The following FTO variants were observed in gnomAD, a reference collection of about 807,000 sequenced individuals.
FTO encodes the protein alpha-ketoglutarate-dependent dioxygenase FTO.
FTO carries 47 observed loss-of-function variants against 63.9 expected under a neutral mutation model. The observed-to-expected ratio is 0.74, with a 90% CI of 0.58 to 0.94. The LOEUF (loss-of-function observed/expected upper bound fraction) is 0.94, where lower values mean the gene tolerates loss of function less well. Among genes scored for constraint, FTO ranks in the 40% least tolerant of loss-of-function variants. The pLI is 0.00. For synonymous variants in FTO, 207 were observed against 224.4 expected, an observed-to-expected ratio of 0.92 and a Z score of 0.69; for missense variants, 562 against 618.1, an observed-to-expected ratio of 0.91 and a Z score of 0.96.
chr16:53,996,102 C>T (rs2083927684), intron 8 of FTO, among the ~76,000 whole-genome samples: 1 of 152,186 alleles, frequency 6.6e-6, no homozygotes, highest in South Asian at 2.1e-4. Context: ...AAAGTGATTA[C>T]ATTGATGTTG....
chr16:53,736,021 T>G (rs2076383418), intron 1 of FTO, among the ~76,000 whole-genome samples: 1 of 150,202 alleles, frequency 6.7e-6, no homozygotes, highest in Non-Finnish European at 1.5e-5. Flanking sequence ...TAGCAAGCTC[T>G]TATGGCACTA....
chr16:54,076,111 G>A (rs374099687), intron 8 of FTO, among the ~76,000 whole-genome samples: 37 of 152,120 alleles, frequency 2.4e-4, no homozygotes, highest in African/African-American at 8.9e-4. Flanking sequence ...CTCTAGAGGT[G>A]GTGAGCTCTG....
chr16:54,023,396 A>T (rs1361667723), intron 8 of FTO, among the ~76,000 whole-genome samples: 1 of 152,212 alleles, frequency 6.6e-6, no homozygotes, highest in East Asian at 1.9e-4. Context: ...TAAACTGATT[A>T]GGGCTTTCGT....
intron 8 of FTO, among the ~76,000 whole-genome samples, chr16:54,091,841 T>C (rs2086391593): frequency 6.6e-6 from 1 of 152,198 alleles, no homozygotes; most frequent in African/African-American, 2.4e-5. Flanking sequence ...TGCCTCACTG[T>C]TTGCATCTGT....
Position 54,121,707 on chromosome 16 carries a change from C to T in FTO, c.*9792C>T, listed in dbSNP as rs1360216462. ...ATGCCTCATTCGGAGAGGTGATAAT[C>T]TGGTCTGTGGTTTCTTTTTCGGTGG... On this transcript the variant is annotated 3_prime_UTR_variant, in exon 9 of 9. Coordinates refer to ENST00000471389, the MANE Select transcript of FTO (RefSeq NM_001080432.3). 4 of 152,452 alleles carry T rather than the reference C, an allele frequency of 2.6e-5. No homozygotes were observed. The highest frequency in any genetic ancestry group is 7.2e-5 in the African/African-American group (3 of 41,530). The allele number at this position is 152,452 out of a possible 1,614,324, so 9.4% of individuals were successfully genotyped here.
intron 7 of FTO, among the ~76,000 whole-genome samples, chr16:53,914,137 C>T (rs967151211): frequency 1.3e-5 from 2 of 152,102 alleles, no homozygotes; most frequent in East Asian, 1.9e-4. Flanking sequence ...TTTGCTGACT[C>T]GAAGAAGATC....
intron 8 of FTO, among the ~76,000 whole-genome samples, chr16:53,987,986 A>T (rs943857494): frequency 1.3e-5 from 2 of 152,194 alleles, no homozygotes; most frequent in South Asian, 4.1e-4. Context: ...TGTGTGTACA[A>T]TGGGGATTGA....
chr16:53,970,085 A>G (rs895783333), intron 8 of FTO, among the ~76,000 whole-genome samples: 1 of 152,202 alleles, frequency 6.6e-6, no homozygotes, highest in Non-Finnish European at 1.5e-5. Flanking sequence ...AGACCCTGAA[A>G]TTGCCTGTTG....
chr16:53,707,693 G>T (rs2075662153), intron 1 of FTO, among the ~76,000 whole-genome samples: 2 of 152,118 alleles, frequency 1.3e-5, no homozygotes, highest in African/African-American at 2.4e-5. Flanking sequence ...TAATGAGGTT[G>T]CATATCTCTC....
intron 4 of FTO, among the ~76,000 whole-genome samples, chr16:53,872,248 T>C (rs1050051849): frequency 6.6e-6 from 1 of 152,202 alleles, no homozygotes; most frequent in African/African-American, 2.4e-5. Flanking sequence ...CTGGTGCTTC[T>C]TTTTTTGGCC....
At chr16:53,773,105 G>A (rs78078704) in intron 1 of FTO, among the ~76,000 whole-genome samples, 84 of 144,054 alleles carry the variant, frequency 5.8e-4, no homozygotes, top group African/African-American at 2.0e-3. Context: ...TTTTTTTTTT[G>A]AGGAGTTCAT....
intron 8 of FTO, chr16:53,982,009 G>T (rs1464414390): frequency 6.6e-6 from 1 of 152,044 alleles, no homozygotes; most frequent in Non-Finnish European, 1.5e-5. Context: ...GAACCCAGGA[G>T]GTGAAGTTTG....
intron 7 of FTO, among the ~76,000 whole-genome samples, chr16:53,908,212 G>T (rs182910764): frequency 6.6e-6 from 1 of 152,298 alleles, no homozygotes; most frequent in African/African-American, 2.4e-5. Flanking sequence ...CCTATTATCT[G>T]CAATAAGACA....
chr16:53,859,678 T>C (rs1391338896), intron 4 of FTO, among the ~76,000 whole-genome samples: 3 of 152,042 alleles, frequency 2.0e-5, no homozygotes, highest in Admixed American at 2.0e-4. Flanking sequence ...TCAACATGTA[T>C]ATGAAAATGT....
At chr16:54,062,706 G>A (rs1861359) in intron 8 of FTO, among the ~76,000 whole-genome samples, 2,257 of 152,294 alleles carry the variant, frequency 0.015, 43 homozygotes, top group African/African-American at 0.05. Context: ...GCCATAAGGA[G>A]AGAGAATCAT....
intron 7 of FTO, among the ~76,000 whole-genome samples, chr16:53,915,748 C>T (rs930030371): frequency 6.6e-6 from 1 of 152,214 alleles, no homozygotes; most frequent in East Asian, 1.9e-4. Flanking sequence ...CCTGCTCAGT[C>T]TCATGGAGAC....
At chr16:53,791,889 C>T (rs879193012) in intron 1 of FTO, among the ~76,000 whole-genome samples, 1 of 151,858 alleles carries the variant, frequency 6.6e-6, no homozygotes, top group Non-Finnish European at 1.5e-5. Flanking sequence ...CTGGCTAACA[C>T]GGTGAAAACC....
intron 8 of FTO, among the ~76,000 whole-genome samples, chr16:53,938,827 C>T (rs1415849786): frequency 6.6e-6 from 1 of 152,036 alleles, no homozygotes; most frequent in African/African-American, 2.4e-5. Context: ...TGGTGGCTCA[C>T]GCCTGTAATC....
At chr16:53,960,310 C>T (rs1310293665) in intron 8 of FTO, among the ~76,000 whole-genome samples, 1 of 152,124 alleles carries the variant, frequency 6.6e-6, no homozygotes, top group Non-Finnish European at 1.5e-5. Flanking sequence ...TCATGTGTGC[C>T]CAGCTGTGAG....
Sources: allele counts gnomAD v4.1 joint callset (sites outside exome capture counted in the v4.1 genomes callset), GRCh38; gene constraint gnomAD v4.1.1; transcripts MANE v1.5; gene names NCBI Gene and HGNC (gene_info 2026-07-23, HGNC 2026-07-21).